Variants in SLC39A11 observed in about 807,000 individuals in gnomAD.
SLC39A11 encodes zinc transporter ZIP11.
SLC39A11 carries 33 observed loss-of-function variants against 36.1 expected under a neutral mutation model. That is an observed-to-expected ratio of 0.91 (90% confidence interval 0.69 to 1.22). The LOEUF (loss-of-function observed/expected upper bound fraction) is 1.22, where lower values mean the gene tolerates loss of function less well. Among genes scored for constraint, SLC39A11 ranks in the 50% most tolerant of loss-of-function variants. The pLI is 0.00. For missense variants in SLC39A11, 432 were observed against 430.3 expected (o/e 1.00, Z -0.03); for synonymous variants, 166 against 170.3 (o/e 0.97, Z 0.20).
intron 4 of SLC39A11, among the ~76,000 whole-genome samples, chr17:73,021,275 C>T (rs2058342738): frequency 6.6e-6 from 1 of 152,116 alleles, no homozygotes; most frequent in Admixed American, 6.5e-5. Context: ...CGGTCCCAGT[C>T]ACCTTTGCCA....
At chr17:72,710,463 A>G (rs2073068256) in intron 7 of SLC39A11, among the ~76,000 whole-genome samples, 2 of 152,284 alleles carry the variant, frequency 1.3e-5, no homozygotes, top group Admixed American at 6.5e-5. Context: ...GTGCTCTTAT[A>G]AAAGAGGTTG....
chr17:72,752,751 A>G (rs2344336), intron 6 of SLC39A11, among the ~76,000 whole-genome samples: 35,582 of 152,002 alleles, frequency 0.23, 4,880 homozygotes, highest in African/African-American at 0.35. Flanking sequence ...CTGCTGCTGA[A>G]AAGTCTGATG....
chr17:72,795,337 T>G (rs1406760433), intron 6 of SLC39A11, among the ~76,000 whole-genome samples: 1 of 152,104 alleles, frequency 6.6e-6, no homozygotes, highest in Non-Finnish European at 1.5e-5. Flanking sequence ...GCTTGGAGTT[T>G]CAGTCCCTTG....
At chr17:73,032,466 C>CA (rs1190152929) in intron 3 of SLC39A11, among the ~76,000 whole-genome samples, 4 of 152,200 alleles carry the variant, frequency 2.6e-5, no homozygotes, top group African/African-American at 9.7e-5. Flanking sequence ...CTCGGCCTCC[C>CA]AAAGTGCTGG....
intron 6 of SLC39A11, among the ~76,000 whole-genome samples, chr17:72,836,713 T>A (rs1358255536): frequency 6.6e-6 from 1 of 152,160 alleles, no homozygotes; most frequent in Non-Finnish European, 1.5e-5. Flanking sequence ...ATCTAAATCA[T>A]GTATGTGGTG....
rs1043347517 is a variant in SLC39A11, at chr17:72,834,877, C to A, written c.601+14757G>T. Among the ~76,000 whole-genome samples, 13 of 152,352 alleles carry A rather than the reference C, an allele frequency of 8.5e-5. No homozygotes were observed. In the South Asian group the frequency reaches 2.1e-3, roughly 24 times the overall value. On this transcript the variant is annotated intron_variant, in intron 6 of 9. Transcript: ENST00000255559. ...ACCCCAATCCTAGCGCAGCATTAGA[C>A]TTTCACTCTGGCTGTAGCTTCCTTG...
At chr17:72,789,785 A>C (rs959160365) in intron 6 of SLC39A11, among the ~76,000 whole-genome samples, 1 of 152,244 alleles carries the variant, frequency 6.6e-6, no homozygotes, top group Non-Finnish European at 1.5e-5. Context: ...ATCCAGGCCG[A>C]GAGTCAGGCC....
At chr17:72,852,605 G>A (rs547885541) in intron 5 of SLC39A11, among the ~76,000 whole-genome samples, 3 of 152,280 alleles carry the variant, frequency 2.0e-5, no homozygotes, top group South Asian at 2.1e-4. Flanking sequence ...GTGTATGTGC[G>A]TGTGGGTGCA....
At chr17:72,862,995 T>C (rs2080121684) in intron 5 of SLC39A11, among the ~76,000 whole-genome samples, 1 of 152,194 alleles carries the variant, frequency 6.6e-6, no homozygotes, top group African/African-American at 2.4e-5. Context: ...CTTGGGGAGC[T>C]TGAGCAAAGT....
intron 7 of SLC39A11, among the ~76,000 whole-genome samples, chr17:72,721,650 C>CT (rs372097042): frequency 0.012 from 1,886 of 152,236 alleles, 47 homozygotes; most frequent in African/African-American, 0.043. Flanking sequence ...CATGATGATG[C>CT]TCTGTGTTTG....
chr17:72,904,939 C>A (rs1312005126), intron 5 of SLC39A11, among the ~76,000 whole-genome samples: 1 of 151,732 alleles, frequency 6.6e-6, no homozygotes, highest in Non-Finnish European at 1.5e-5. Flanking sequence ...TTTGGGAGGC[C>A]GAGGCAGGCG....
intron 5 of SLC39A11, among the ~76,000 whole-genome samples, chr17:72,852,697 T>C (rs374032147): frequency 3.3e-5 from 5 of 152,258 alleles, no homozygotes; most frequent in South Asian, 2.1e-4. Flanking sequence ...TGTGCACACA[T>C]TGGGGGAAGG....
chr17:73,040,071 T>C (rs562609822), intron 3 of SLC39A11, among the ~76,000 whole-genome samples: 1 of 152,312 alleles, frequency 6.6e-6, no homozygotes, highest in East Asian at 1.9e-4. Context: ...CTGAATGCAA[T>C]CGATCCCATA....
chr17:72,691,265 G>A (rs1290790995), intron 7 of SLC39A11, among the ~76,000 whole-genome samples: 1 of 152,168 alleles, frequency 6.6e-6, no homozygotes, highest in Non-Finnish European at 1.5e-5. Flanking sequence ...CCTGGCTCAG[G>A]CATTTCCTAG....
At chr17:72,724,771 G>C (rs577728084) in intron 7 of SLC39A11, among the ~76,000 whole-genome samples, 1 of 151,096 alleles carries the variant, frequency 6.6e-6, no homozygotes, top group Non-Finnish European at 1.5e-5. Flanking sequence ...CAGAGTGTTC[G>C]CTTAGGAACT....
chr17:73,049,481 G>A (rs1568188658), intron 3 of SLC39A11, among the ~76,000 whole-genome samples: 1 of 152,184 alleles, frequency 6.6e-6, no homozygotes, highest in Non-Finnish European at 1.5e-5. Flanking sequence ...AACATGTCCT[G>A]GGAGGAAGCC....
intron 4 of SLC39A11, among the ~76,000 whole-genome samples, chr17:72,968,394 G>C (rs939126141): frequency 3.3e-5 from 5 of 152,080 alleles, no homozygotes; most frequent in Non-Finnish European, 7.4e-5. Context: ...CCATTCCTAA[G>C]ACCAGGACAA....
intron 4 of SLC39A11, among the ~76,000 whole-genome samples, chr17:72,952,050 T>C (rs1423552492): frequency 2.6e-5 from 4 of 152,112 alleles, no homozygotes; most frequent in Non-Finnish European, 4.4e-5. Context: ...TCTCCACCTG[T>C]ACCCACTCCC....
chr17:72,859,355 C>A (rs2079828283), intron 5 of SLC39A11, among the ~76,000 whole-genome samples: 1 of 152,092 alleles, frequency 6.6e-6, no homozygotes, highest in African/African-American at 2.4e-5. Flanking sequence ...GTAAGTATTC[C>A]CACATATTGC....
Sources: allele counts gnomAD v4.1 joint callset (sites outside exome capture counted in the v4.1 genomes callset), GRCh38; gene constraint gnomAD v4.1.1; transcripts MANE v1.5; gene names NCBI Gene and HGNC (gene_info 2026-07-23, HGNC 2026-07-21).